Variants in C12orf50 observed in about 807,000 individuals in gnomAD.
The protein encoded by C12orf50 is zinc finger CCCH-type containing 11D.
C12orf50 carries 35 observed loss-of-function variants against 61.6 expected under a neutral mutation model. The ratio of observed to expected loss-of-function variants is 0.57; its 90% CI spans 0.43 to 0.75. The LOEUF (loss-of-function observed/expected upper bound fraction) is 0.75, where lower values mean the gene tolerates loss of function less well. Ranked by LOEUF, C12orf50 falls within the 30% of genes least tolerant of loss-of-function variation. The pLI, the probability that C12orf50 is intolerant of heterozygous loss-of-function variation, is 0.00. For missense variants in C12orf50, 475 were observed against 488.5 expected, an observed-to-expected ratio of 0.97 and a Z score of 0.26; for synonymous variants, 178 against 161.5, an observed-to-expected ratio of 1.10 and a Z score of -0.77.
At chr12:87,980,413 T>C (rs1441872375) in intron 12 of C12orf50, 57 bp from the exon 13 acceptor site, 10 of 1,413,558 alleles carry the variant, frequency 7.1e-6, no homozygotes, top group Middle Eastern at 3.6e-4. Flanking sequence ...GCACTGATAT[T>C]TTGTTCTTCT....
intron 3 of C12orf50, among the ~76,000 whole-genome samples, chr12:88,006,881 G>T (rs963754469): frequency 3.9e-5 from 6 of 152,172 alleles, no homozygotes; most frequent in Non-Finnish European, 8.8e-5. Flanking sequence ...ACAGAGAGGT[G>T]GTGAAAGGAG....
intron 3 of C12orf50, among the ~76,000 whole-genome samples, chr12:88,012,000 C>T (rs7963605): frequency 0.06 from 9,179 of 152,156 alleles, 972 homozygotes; most frequent in African/African-American, 0.21. Flanking sequence ...TGAAATTGGC[C>T]GTAGAGAAAA....
In C12orf50 at chr12:87,986,077, T is replaced by G. The variant is rs759348178; in HGVS notation, c.923-24A>C. On this transcript the variant is annotated intron_variant, in intron 10 of 12. Transcript: ENST00000298699. ...TGCTGTAAAGAAAGGTGGGAGGGAG[T>G]GAGGAATAAAACAGGCTGGTTTCAC... 4 of 1,605,366 alleles carry G rather than the reference T, an allele frequency of 2.5e-6. No homozygotes were observed. The South Asian group carries it at 3.3e-5, about 13-fold the overall frequency.
chr12:88,004,953 C>A (rs1031820703), intron 3 of C12orf50, among the ~76,000 whole-genome samples: 1 of 151,814 alleles, frequency 6.6e-6, no homozygotes, highest in Admixed American at 6.6e-5. Flanking sequence ...ACCTGGGTGA[C>A]GAAATAATAT....
intron 3 of C12orf50, among the ~76,000 whole-genome samples, chr12:88,020,268 C>G (rs973989123): frequency 7.2e-5 from 11 of 152,128 alleles, no homozygotes; most frequent in African/African-American, 2.7e-4. Flanking sequence ...AAGCAAGACC[C>G]ACTAACATGC....
chr12:87,999,223 G>C (rs1565748256), intron 3 of C12orf50, among the ~76,000 whole-genome samples: 1 of 151,842 alleles, frequency 6.6e-6, no homozygotes, highest in East Asian at 1.9e-4. Flanking sequence ...GAATAAATAA[G>C]ATCCAGCCTG....
intron 12 of C12orf50, among the ~76,000 whole-genome samples, 153 bp downstream of exon 12, chr12:87,982,950 G>T (rs915010900): frequency 2.6e-5 from 4 of 152,144 alleles, no homozygotes; most frequent in Admixed American, 6.6e-5. Flanking sequence ...ATTACTAGTA[G>T]ACAAGATATC....
Position 88,022,354 on chromosome 12 carries a change from A to C in C12orf50, c.133+4134T>G, listed in dbSNP as rs150844107. On this transcript the variant is annotated intron_variant, in intron 3 of 12. Coordinates refer to ENST00000298699, the MANE Select transcript of C12orf50 (RefSeq NM_152589.3). ...GCTAGGAATTGAAGAAACGTACTTCAAAATAATAAGACCCATCTATGTAAA... is the reference window on the plus strand; with the variant it reads ...GCTAGGAATTGAAGAAACGTACTTCCAAATAATAAGACCCATCTATGTAAA... Among the ~76,000 whole-genome samples the C allele has an allele frequency of 4.5e-3, 682 of 152,296 alleles. 4 individuals are homozygous for C. Among genetic ancestry groups the C allele is most frequent in the South Asian group, 0.014 (68 of 4,828 alleles).
At chr12:87,993,121 C>A (rs1325673856) in intron 7 of C12orf50, among the ~76,000 whole-genome samples, 1 of 152,046 alleles carries the variant, frequency 6.6e-6, no homozygotes, top group African/African-American at 2.4e-5. Context: ...GGTTTTTCAA[C>A]TAGTTCATTA....
chr12:87,985,031 T>C (rs1024379570), intron 11 of C12orf50: 2 of 151,976 alleles, frequency 1.3e-5, no homozygotes, highest in African/African-American at 2.4e-5. Flanking sequence ...TATATTTAAA[T>C]TGTAAAAGAA....
intron 3 of C12orf50, among the ~76,000 whole-genome samples, chr12:87,999,786 T>C (rs1482817356): frequency 6.6e-6 from 1 of 152,130 alleles, no homozygotes; most frequent in Non-Finnish European, 1.5e-5. Context: ...TAAATTTCCA[T>C]TGTCTGATAA....
chr12:88,026,012 C>T (rs1338054021), intron 3 of C12orf50, among the ~76,000 whole-genome samples: 2 of 152,136 alleles, frequency 1.3e-5, no homozygotes, highest in African/African-American at 4.8e-5. Context: ...ATTTTTTCCA[C>T]AATTAAAGTG....
intron 6 of C12orf50, among the ~76,000 whole-genome samples, chr12:87,995,171 A>G (rs902497173): frequency 6.6e-6 from 1 of 152,156 alleles, no homozygotes; most frequent in East Asian, 1.9e-4. Flanking sequence ...AGCTTTCCCC[A>G]TGCATTTCTG....
At chr12:88,008,250 T>C (rs1302590101) in intron 3 of C12orf50, among the ~76,000 whole-genome samples, 1 of 152,148 alleles carries the variant, frequency 6.6e-6, no homozygotes, top group Non-Finnish European at 1.5e-5. Flanking sequence ...CAGTGTGTGT[T>C]GTTCTCCTCT....
chr12:87,987,607 A>C (rs2136408121), intron 9 of C12orf50, among the ~76,000 whole-genome samples: 1 of 152,324 alleles, frequency 6.6e-6, no homozygotes, highest in African/African-American at 2.4e-5. Context: ...CCAAAAAGGT[A>C]GTGTATTATT....
Position 87,996,772 on chromosome 12 carries a change from C to A in C12orf50, c.290-126G>T. On this transcript the variant is annotated intron_variant, in intron 4 of 12. Transcript: ENST00000298699. The stretch of plus-strand genomic sequence containing the variant: ...GATTACTTTTTTATATTTCTAAAAT[C>A]AATAATTTTACATACTAGTACATGT... 7.5e-6 allele frequency: 5 copies of A among 667,194 alleles called. No homozygotes were observed. In the South Asian group the frequency reaches 1.0e-4, roughly 14 times the overall value. 41.3% of individuals were successfully genotyped at this position (667,194 alleles called of 1,614,324 possible). A position where few individuals can be genotyped will look rare whatever the true frequency, so the allele number is the denominator to read the frequency against.
intron 3 of C12orf50, among the ~76,000 whole-genome samples, 199 bp from the exon 4 acceptor site, chr12:87,998,389 G>A (rs2031511414): frequency 6.6e-6 from 1 of 151,796 alleles, no homozygotes; most frequent in Non-Finnish European, 1.5e-5. Flanking sequence ...ACTTACAATA[G>A]CATCAAAGAG....
intron 1 of C12orf50, chr12:88,029,055 T>C (rs745912422): frequency 1.5e-5 from 19 of 1,264,076 alleles, no homozygotes; most frequent in Non-Finnish European, 1.9e-5. Flanking sequence ...CTGTCAATTG[T>C]ACAATATTTA....
intron 3 of C12orf50, among the ~76,000 whole-genome samples, chr12:88,009,562 A>G (rs2032020327): frequency 6.6e-6 from 1 of 152,124 alleles, no homozygotes; most frequent in African/African-American, 2.4e-5. Flanking sequence ...TGGTTGTTAC[A>G]ACGAGGAGAT....
Sources: allele counts gnomAD v4.1 joint callset (sites outside exome capture counted in the v4.1 genomes callset), GRCh38; gene constraint gnomAD v4.1.1; transcripts MANE v1.5; gene names NCBI Gene and HGNC (gene_info 2026-07-23, HGNC 2026-07-21).